The following LRRC4B variants were observed in gnomAD, a reference collection of about 807,000 sequenced individuals.
LRRC4B encodes leucine rich repeat containing 4B.
LRRC4B carries 1 observed loss-of-function variant against 7.3 expected under a neutral mutation model. That is an observed-to-expected ratio of 0.14 (90% CI 0.05 to 0.65). LRRC4B has a LOEUF of 0.65. LRRC4B is among the 30% of genes least tolerant of loss of function. LRRC4B has a pLI of 0.84. For synonymous variants in LRRC4B, 500 were observed against 499.2 expected, an observed-to-expected ratio of 1.00 and a Z score of -0.02; for missense variants, 730 against 1,041.6, an observed-to-expected ratio of 0.70 and a Z score of 4.12.
intron 2 of LRRC4B, among the ~76,000 whole-genome samples, chr19:50,522,459 ATTATTTAT>A (rs71332009): frequency 0.15 from 21,922 of 147,076 alleles, 1,958 homozygotes; most frequent in East Asian, 0.42. Context: ...TATTTTATTT[ATTATTTAT>A]TTATTTATTT....
In LRRC4B at chr19:50,518,862, A is replaced by T; in HGVS notation, c.851T>A (p.Leu284Gln). Residue 284 changes from leucine to glutamine, a missense_variant, in exon 3 of 3, where the codon CTG (leucine) becomes CAG (glutamine). Leu to Gln is a moderately radical substitution (Grantham distance 113, BLOSUM62 -2). Coordinates refer to ENST00000652263, the MANE Select transcript of LRRC4B (RefSeq NM_001080457.2). ...CAGCGACATCAGGTTGTTGTGGGAC[A>T]GGTTGAGCTCCTCCAGCGACTTGAG... ...DDLKSLEELN[L>Q]SHNNLMSLPH... is the part of the protein sequence containing the mutation. 1 of 1,614,048 alleles carries T rather than the reference A, an allele frequency of 6.2e-7. No individual in the cohort carries two copies. The highest frequency in any genetic ancestry group is 1.1e-5 in the South Asian group (1 of 91,074).
At chr19:50,523,670 A>G (rs1980680146) in intron 2 of LRRC4B, among the ~76,000 whole-genome samples, 1 of 151,356 alleles carries the variant, frequency 6.6e-6, no homozygotes, top group Non-Finnish European at 1.5e-5. Context: ...CTTAAAAACA[A>G]AAAAGAGGCC....
chr19:50,565,163 C>T (rs1302872801), intron 1 of LRRC4B, among the ~76,000 whole-genome samples: 1 of 152,144 alleles, frequency 6.6e-6, no homozygotes, highest in Non-Finnish European at 1.5e-5. Context: ...GTGCCTCCGA[C>T]GCTGGCACTC....
At chr19:50,552,654 A>ATCTG (rs879770597) in intron 1 of LRRC4B, among the ~76,000 whole-genome samples, 39,695 of 100,414 alleles carry the variant, frequency 0.4, 8,089 homozygotes, top group African/African-American at 0.49. Flanking sequence ...CCGTCCATCC[A>ATCTG]TCCATCCATC....
chr19:50,552,813 C>T (rs1308903945), intron 1 of LRRC4B, among the ~76,000 whole-genome samples: 1 of 152,206 alleles, frequency 6.6e-6, no homozygotes, highest in Non-Finnish European at 1.5e-5. Context: ...TCCATCTGTC[C>T]AACAAATGTC....
chr19:50,562,692 C>T (rs1982507387), intron 1 of LRRC4B, among the ~76,000 whole-genome samples: 1 of 151,656 alleles, frequency 6.6e-6, no homozygotes, highest in Non-Finnish European at 1.5e-5. Context: ...GCTGCCCCCT[C>T]CTGCCCTGCC....
chr19:50,531,866 G>A (rs964499586), intron 2 of LRRC4B, among the ~76,000 whole-genome samples: 1 of 152,172 alleles, frequency 6.6e-6, no homozygotes, highest in East Asian at 1.9e-4. Flanking sequence ...TGAATGTGTG[G>A]GACATGGCGA....
At position 50,556,456 on chromosome 19, in the gene LRRC4B, G is replaced by T. The variant is rs1055848974; in HGVS notation, c.-35-7583C>A. ...GCCCCTGCTGTGCCCTCGGCCAGCCGGGGGTGCTCTTCCTGGGGTCAGGGG... is the reference window on the plus strand; with the variant it reads ...GCCCCTGCTGTGCCCTCGGCCAGCCTGGGGTGCTCTTCCTGGGGTCAGGGG... On this transcript the variant is annotated intron_variant, in intron 1 of 2. Transcript: ENST00000652263. This position sits in a 1 kb window ranked among gnomAD's most constrained non-coding sequence, Gnocchi z 4.2. 1.3e-5 allele frequency among the ~76,000 whole-genome samples: 2 copies of T among 152,110 alleles called. No homozygotes were observed. The highest frequency in any genetic ancestry group is 4.8e-5 in the African/African-American group (2 of 41,412).
intron 2 of LRRC4B, among the ~76,000 whole-genome samples, chr19:50,547,469 G>A (rs570051376): frequency 6.6e-6 from 1 of 152,048 alleles, no homozygotes; most frequent in South Asian, 2.1e-4. Context: ...TGGAAGATTA[G>A]ATCTGGAGGG....
chr19:50,562,529 AC>A (rs1259328157), intron 1 of LRRC4B, among the ~76,000 whole-genome samples: 4 of 151,990 alleles, frequency 2.6e-5, no homozygotes, highest in Non-Finnish European at 5.9e-5. Flanking sequence ...CTCTGCGTTT[AC>A]CCCCTGGGGC....
At chr19:50,549,644 G>A (rs1457485286) in intron 1 of LRRC4B, among the ~76,000 whole-genome samples, 1 of 152,244 alleles carries the variant, frequency 6.6e-6, no homozygotes, top group African/African-American at 2.4e-5. Flanking sequence ...TGACAGGTGT[G>A]GGCAGGTGAA....
Position 50,517,473 on chromosome 19 carries a change from G to T in LRRC4B, c.*98C>A. On this transcript the variant is annotated 3_prime_UTR_variant, in exon 3 of 3. Transcript: ENST00000652263. The surrounding 1 kb of genome is among the most constrained non-coding windows in gnomAD (Gnocchi z 6.6). ...AATTCCCTGCGTGGTCCCAGAAGGT[G>T]GGCTGGGCTGTGGGAGGGAGGGGTC... 8.9e-7 allele frequency: 1 copy of T among 1,126,800 alleles called. No homozygotes were observed. The highest frequency in any genetic ancestry group is 1.2e-6 in the Non-Finnish European group (1 of 864,584). The allele number at this position is 1,126,800 out of a possible 1,614,324, so 69.8% of individuals were successfully genotyped here.
chr19:50,559,615 G>A (rs1452000499), intron 1 of LRRC4B, among the ~76,000 whole-genome samples: 6 of 152,226 alleles, frequency 3.9e-5, no homozygotes, highest in East Asian at 1.9e-4. Flanking sequence ...GCGTGAGAGC[G>A]AGTTTGCAGG....
At chr19:50,565,189 C>T (rs1183632723) in intron 1 of LRRC4B, among the ~76,000 whole-genome samples, 1 of 152,170 alleles carries the variant, frequency 6.6e-6, no homozygotes, top group Non-Finnish European at 1.5e-5. Flanking sequence ...GGTGTGTGCG[C>T]CACAGTGCAC....
At position 50,518,411 on chromosome 19, in the gene LRRC4B, G is replaced by A. The variant is rs753088617; in HGVS notation, c.1302C>T (p.Tyr434=). Residue 434 remains tyrosine, a synonymous_variant, in exon 3 of 3, where the codon TAC becomes TAT. Transcript: ENST00000652263. ...CGGCTGAGTTCGTCACCATGCACGTGTACTGGCCCGTGTCCTGCACGGTGA... is the reference window on the plus strand; with the variant it reads ...CGGCTGAGTTCGTCACCATGCACGTATACTGGCCCGTGTCCTGCACGGTGA... The part of the protein sequence containing the change: ...TNVTVQDTGQ[Y]TCMVTNSAGN... 1.1e-5 allele frequency: 17 copies of A among 1,571,072 alleles called. No individual in the cohort carries two copies. The highest frequency in any genetic ancestry group is 1.5e-5 in the Non-Finnish European group (17 of 1,161,144).
At chr19:50,546,641 C>T (rs183956248) in intron 2 of LRRC4B, among the ~76,000 whole-genome samples, 7 of 152,256 alleles carry the variant, frequency 4.6e-5, no homozygotes, top group Non-Finnish European at 1.0e-4. Context: ...GCATGATATA[C>T]GGAGGGAGCG....
At chr19:50,523,925 C>T (rs910447629) in intron 2 of LRRC4B, among the ~76,000 whole-genome samples, 3 of 151,564 alleles carry the variant, frequency 2.0e-5, no homozygotes, top group Non-Finnish European at 4.4e-5. Context: ...CCCAGTTGCA[C>T]TCCAGCCTGG....
intron 2 of LRRC4B, among the ~76,000 whole-genome samples, chr19:50,528,157 C>T (rs1980899254): frequency 6.6e-6 from 1 of 152,104 alleles, no homozygotes; most frequent in Non-Finnish European, 1.5e-5. Context: ...ATTCTCCCAC[C>T]TCAGCCTCCC....
intron 2 of LRRC4B, among the ~76,000 whole-genome samples, chr19:50,528,021 G>A (rs200181623): frequency 2.6e-5 from 4 of 152,070 alleles, no homozygotes; most frequent in East Asian, 1.9e-4. Flanking sequence ...GATTACAGGC[G>A]TGAGCCACCG....
Sources: allele counts gnomAD v4.1 joint callset (sites outside exome capture counted in the v4.1 genomes callset), GRCh38; gene constraint gnomAD v4.1.1; non-coding constraint Gnocchi (gnomAD v3.1); transcripts MANE v1.5; gene names NCBI Gene and HGNC (gene_info 2026-07-23, HGNC 2026-07-21).